Variants in OMA1 observed in about 807,000 individuals in gnomAD.
OMA1 encodes the protein metalloendopeptidase OMA1, mitochondrial.
A neutral mutation model predicts 30.9 loss-of-function variants in OMA1; 38 were observed. The ratio of observed to expected loss-of-function variants is 1.23; its 90% CI spans 0.95 to 1.61. The LOEUF is 1.61. Ranked by LOEUF, OMA1 falls within the 40% of genes most tolerant of loss-of-function variation. OMA1 has a pLI of 0.00. For missense variants in OMA1, 461 were observed against 349.2 expected, an observed-to-expected ratio of 1.32 and a Z score of -2.55; for synonymous variants, 173 against 121.9, an observed-to-expected ratio of 1.42 and a Z score of -2.76.
intron 5 of OMA1, among the ~76,000 whole-genome samples, chr1:58,532,677 G>A (rs1646453247): frequency 6.6e-6 from 1 of 152,052 alleles, no homozygotes. Context: ...ACAGGTGTGA[G>A]CCACCATGCT....
At chr1:58,525,206 T>A (rs1646330741) in intron 7 of OMA1, among the ~76,000 whole-genome samples, 2 of 152,188 alleles carry the variant, frequency 1.3e-5, no homozygotes, top group Non-Finnish European at 2.9e-5. Context: ...TCATGACATA[T>A]CCTTTTCTTA....
chr1:58,487,389 C>T (rs968212832), intron 8 of OMA1, among the ~76,000 whole-genome samples: 1 of 152,146 alleles, frequency 6.6e-6, no homozygotes, highest in African/African-American at 2.4e-5. Flanking sequence ...AATATAATAT[C>T]GTATTGTCAA....
At chr1:58,490,655 T>A (rs1645664930) in intron 8 of OMA1, among the ~76,000 whole-genome samples, 2 of 151,828 alleles carry the variant, frequency 1.3e-5, no homozygotes, top group Middle Eastern at 3.2e-3. Context: ...TTCACCAAAG[T>A]TGAAATGAAG....
At chr1:58,545,661 T>C (rs1409331267) in intron 1 of OMA1, among the ~76,000 whole-genome samples, 7 of 152,224 alleles carry the variant, frequency 4.6e-5, no homozygotes, top group African/African-American at 1.4e-4. Flanking sequence ...AGATCCTTAA[T>C]TCTTTAAGTA....
At chr1:58,489,429 A>G (rs1294028817) in intron 8 of OMA1, among the ~76,000 whole-genome samples, 1 of 152,198 alleles carries the variant, frequency 6.6e-6, no homozygotes, top group Non-Finnish European at 1.5e-5. Flanking sequence ...TTGAGTAGGT[A>G]AACAAAGCAG....
chr1:58,544,391 A>T (rs1470131573), intron 1 of OMA1, among the ~76,000 whole-genome samples: 1 of 152,228 alleles, frequency 6.6e-6, no homozygotes, highest in African/African-American at 2.4e-5. Flanking sequence ...AATAGTAATG[A>T]GAAAATATGC....
intron 7 of OMA1, among the ~76,000 whole-genome samples, chr1:58,517,034 G>A (rs1346464168): frequency 3.9e-5 from 6 of 152,020 alleles, no homozygotes; most frequent in African/African-American, 7.2e-5. Context: ...GATGCATCAA[G>A]GTCCAAAAAA....
intron 7 of OMA1, among the ~76,000 whole-genome samples, chr1:58,509,091 A>G (rs1646033468): frequency 6.6e-6 from 1 of 152,174 alleles, no homozygotes; most frequent in Non-Finnish European, 1.5e-5. Flanking sequence ...TCCTGTACAA[A>G]GACAGTCTGT....
intron 6 of OMA1, among the ~76,000 whole-genome samples, chr1:58,529,470 G>A (rs1438563147): frequency 6.6e-6 from 1 of 152,198 alleles, no homozygotes; most frequent in Admixed American, 6.5e-5. Flanking sequence ...ATACATTTTT[G>A]AGATGATTAT....
chr1:58,502,629 G>C (rs1477468786), intron 8 of OMA1, among the ~76,000 whole-genome samples: 1 of 152,208 alleles, frequency 6.6e-6, no homozygotes, highest in African/African-American at 2.4e-5. Context: ...AAATGTAGTA[G>C]TAGTATACAG....
At chr1:58,510,820 C>T (rs979025046) in intron 7 of OMA1, among the ~76,000 whole-genome samples, 1 of 151,962 alleles carries the variant, frequency 6.6e-6, no homozygotes, top group Non-Finnish European at 1.5e-5. Context: ...TTATGTTCTA[C>T]ACACTAACAA....
rs901830359 is a variant in OMA1 at position 58,527,418 on chromosome 1, A to G, written c.1141-83T>C. 3.0e-5 allele frequency: 22 copies of G among 731,490 alleles called. 1 individual carries two copies. The South Asian group carries it at 3.0e-4, about 10-fold the overall frequency. 45.3% of individuals were successfully genotyped at this position (731,490 alleles called of 1,614,324 possible). On this transcript the variant is annotated intron_variant, in intron 6 of 8. Transcript: ENST00000371226. ...TAACACAGAGAGATTTTTAAAAAAC[A>G]GTTTCATGGAGTATCTAGGATAAAA... is the stretch of plus-strand genomic sequence containing the variant.
rs902925 is a variant in OMA1, at chr1:58,539,307, C to G, written c.-13G>C. 1 of 811,620 alleles carries G rather than the reference C, an allele frequency of 1.2e-6. No homozygotes were observed. The highest frequency in any genetic ancestry group is 1.5e-5 in the South Asian group (1 of 66,326). 50.3% of individuals were successfully genotyped at this position (811,620 alleles called of 1,614,324 possible). A position where few individuals can be genotyped will look rare whatever the true frequency, so the allele number is the denominator to read the frequency against. On this transcript the variant is annotated 5_prime_UTR_variant, in exon 2 of 9. Transcript: ENST00000371226. Reference sequence around the variant, plus strand: ...AGATGAAGCTCATTTTTTCACTTGACTACCTGAAACAAAAAAAAAACTATA... The same window carrying G: ...AGATGAAGCTCATTTTTTCACTTGAGTACCTGAAACAAAAAAAAAACTATA...
chr1:58,538,968 T>G lies in OMA1; in HGVS notation c.327A>C (p.Leu109=), dbSNP rs765120826. 1 of 872,886 alleles carries G rather than the reference T, an allele frequency of 1.1e-6. No individual in the cohort carries two copies. The highest frequency in any genetic ancestry group is 1.3e-5 in the South Asian group (1 of 76,526). 54.1% of individuals were successfully genotyped at this position (872,886 alleles called of 1,614,324 possible). A position where few individuals can be genotyped will look rare whatever the true frequency, so the allele number is the denominator to read the frequency against. The change falls in exon 2 of 9, where the codon CTA becomes CTC. Residue 109 remains leucine, a synonymous_variant. Coordinates refer to ENST00000371226, the MANE Select transcript of OMA1 (RefSeq NM_145243.5). ...VWNDAFSRQL[L]IKEVTAVPSL... ...TAGGGACTGCTGTAACTTCTTTTAT[T>G]AGCAGCTGTCTTGAAAAAGCATCAT...
chr1:58,531,565 T>C lies in OMA1; in HGVS notation c.1012-836A>G, dbSNP rs193248870. On this transcript the variant is annotated intron_variant, in intron 5 of 8. Coordinates refer to ENST00000371226, the MANE Select transcript of OMA1 (RefSeq NM_145243.5). Reference sequence around the variant, plus strand: ...AAATAGCAGTCATTACTTGAATGTATGAAAAATGACTGAAAACTAAAAACT... The same window carrying C: ...AAATAGCAGTCATTACTTGAATGTACGAAAAATGACTGAAAACTAAAAACT... 2.4e-4 allele frequency among the ~76,000 whole-genome samples: 36 copies of C among 152,308 alleles called. No homozygotes were observed. In the East Asian group the frequency reaches 6.4e-3, roughly 27 times the overall value.
intron 1 of OMA1, among the ~76,000 whole-genome samples, chr1:58,540,976 T>C (rs1341900190): frequency 1.3e-5 from 2 of 152,052 alleles, no homozygotes; most frequent in African/African-American, 4.8e-5. Flanking sequence ...GATAAAATCT[T>C]AAACTTGACA....
At chr1:58,524,177 TA>T (rs1389321355) in intron 7 of OMA1, among the ~76,000 whole-genome samples, 1 of 152,246 alleles carries the variant, frequency 6.6e-6, no homozygotes, top group Non-Finnish European at 1.5e-5. Context: ...TGCTCATTAA[TA>T]AATGTCCTTT....
At chr1:58,496,799 G>C (rs1316475015) in intron 8 of OMA1, among the ~76,000 whole-genome samples, 1 of 152,128 alleles carries the variant, frequency 6.6e-6, no homozygotes, top group African/African-American at 2.4e-5. Context: ...TATTCCATTA[G>C]GGTTAATTTG....
intron 8 of OMA1, among the ~76,000 whole-genome samples, chr1:58,504,917 C>T (rs748751740): frequency 1.3e-5 from 2 of 151,934 alleles, no homozygotes; most frequent in Non-Finnish European, 2.9e-5. Context: ...AGAGGTACTC[C>T]GTATTTGTTG....
Sources: gnomAD v4.1 joint callset for allele counts (sites outside exome capture counted in the v4.1 genomes callset) on GRCh38, gnomAD v4.1.1 for gene constraint, MANE v1.5 for transcripts, NCBI Gene and HGNC (gene_info 2026-07-23, HGNC 2026-07-21) for gene names.